The following CCS variants were observed in gnomAD, a reference collection of about 807,000 sequenced individuals.
The protein encoded by CCS is copper chaperone for superoxide dismutase, also known as superoxide dismutase copper chaperone.
Under a neutral mutation model 35.5 loss-of-function variants are expected in CCS, and 32 were observed. The ratio of observed to expected loss-of-function variants is 0.90; its 90% CI spans 0.68 to 1.21. The LOEUF (loss-of-function observed/expected upper bound fraction) is 1.21. CCS is among the 50% of genes most tolerant of loss of function. The pLI is 0.00. For missense variants in CCS, 342 were observed against 375.4 expected, an observed-to-expected ratio of 0.91 and a Z score of 0.73; for synonymous variants, 130 against 147.2, an observed-to-expected ratio of 0.88 and a Z score of 0.84.
At chr11:66,603,954 G>C (rs993485015) in intron 5 of CCS, among the ~76,000 whole-genome samples, 3 of 152,018 alleles carry the variant, frequency 2.0e-5, no homozygotes, top group Non-Finnish European at 4.4e-5. Context: ...TTGAACCTGG[G>C]GGGTGGGGAG....
In CCS at chr11:66,605,752, A is replaced by G. The variant is rs1047957280; in HGVS notation, c.722A>G (p.Lys241Arg). 1.2e-6 allele frequency: 2 copies of G among 1,606,472 alleles called. No homozygotes were observed. The highest frequency in any genetic ancestry group is 2.2e-5 in the East Asian group (1 of 44,806). Residue 241 changes from lysine to arginine, a missense_variant, in exon 8 of 8, where the codon AAG (lysine) becomes AGG (arginine). Physicochemically the swap from Lys to Arg is conservative, Grantham distance 26 (BLOSUM62 2). Coordinates refer to ENST00000533244, the MANE Select transcript of CCS (RefSeq NM_005125.2). ...ARSAGLFQNPKQICSCDGLTI... is the reference protein window; with the variant it reads ...ARSAGLFQNPRQICSCDGLTI... ...TCCGCTGGCCTTTTCCAGAACCCCAAGCAGATCTGCTCTTGCGATGGCCTC... is the reference window on the plus strand; with the variant it reads ...TCCGCTGGCCTTTTCCAGAACCCCAGGCAGATCTGCTCTTGCGATGGCCTC...
At chr11:66,603,914 C>T (rs1052878434) in intron 5 of CCS, among the ~76,000 whole-genome samples, 1 of 151,208 alleles carries the variant, frequency 6.6e-6, no homozygotes, top group Non-Finnish European at 1.5e-5. Context: ...GTAGTCACAG[C>T]TACTCGGGAA....
At position 66,599,622 on chromosome 11, in the gene CCS, A is replaced by T. The variant is rs200506331; in HGVS notation, c.414A>T (p.Thr138=). 1 of 1,611,036 alleles carries T rather than the reference A, an allele frequency of 6.2e-7. No homozygotes were observed. Among genetic ancestry groups the T allele is most frequent in the Non-Finnish European group, 8.5e-7 (1 of 1,179,056 alleles). ...GLHVHQYGDL[T]NNCNSCGNHF... is the part of the protein sequence containing the mutation. ...ACGTCCATCAGTACGGGGACCTTAC[A>T]AACAACTGCAACAGGTGAGTTGTCT... is the stretch of plus-strand genomic sequence containing the variant. Residue 138 remains threonine (T), a synonymous_variant, in exon 4 of 8, where the codon ACA becomes ACT. Coordinates refer to ENST00000533244, the MANE Select transcript of CCS (RefSeq NM_005125.2).
chr11:66,605,648 C>T (rs1858644878), intron 7 of CCS, 54 bp from the exon 8 acceptor site: 3 of 1,584,408 alleles, frequency 1.9e-6, no homozygotes, highest in South Asian at 2.3e-5. Flanking sequence ...GCATGAGGAA[C>T]CCAGGGGTGG....
At chr11:66,604,166 A>T (rs1429914819) in intron 5 of CCS, among the ~76,000 whole-genome samples, 6 of 151,390 alleles carry the variant, frequency 4.0e-5, no homozygotes, top group African/African-American at 1.5e-4. Flanking sequence ...GGAAGCAGAG[A>T]CTGCAGTGAG....
At chr11:66,595,584 G>A (rs1238053783) in intron 2 of CCS, among the ~76,000 whole-genome samples, 1 of 152,080 alleles carries the variant, frequency 6.6e-6, no homozygotes, top group Non-Finnish European at 1.5e-5. Flanking sequence ...AGGCCTGGGG[G>A]AAGGCCTTCT....
intron 2 of CCS, among the ~76,000 whole-genome samples, chr11:66,597,415 G>A (rs1858495788): frequency 6.6e-6 from 1 of 151,210 alleles, no homozygotes; most frequent in South Asian, 2.1e-4. Flanking sequence ...CCGAGATTGT[G>A]CCACTGCACT....
intron 5 of CCS, among the ~76,000 whole-genome samples, chr11:66,603,248 C>T (rs1234269567): frequency 1.3e-5 from 2 of 152,230 alleles, no homozygotes; most frequent in Non-Finnish European, 2.9e-5. Flanking sequence ...GTCATGCCTC[C>T]AGCCACACTG....
At chr11:66,595,005 G>A (rs968458186) in intron 2 of CCS, among the ~76,000 whole-genome samples, 1 of 152,102 alleles carries the variant, frequency 6.6e-6, no homozygotes, top group African/African-American at 2.4e-5. Flanking sequence ...CCCTGGTAGT[G>A]GTGGACTCTG....
At chr11:66,603,164 C>A (rs1274695015) in intron 5 of CCS, among the ~76,000 whole-genome samples, 1 of 152,188 alleles carries the variant, frequency 6.6e-6, no homozygotes, top group Non-Finnish European at 1.5e-5. Context: ...TACCCCACTC[C>A]CCCTGCCTAT....
At chr11:66,593,368 CT>C in intron 1 of CCS, 68 bp downstream of exon 1, 1 of 1,430,194 alleles carries the variant, frequency 7.0e-7, no homozygotes, top group Non-Finnish European at 9.3e-7. Context: ...TGATCGTTAC[CT>C]TGGGAAGAGG....
At chr11:66,595,158 T>C (rs1408102805) in intron 2 of CCS, among the ~76,000 whole-genome samples, 1 of 152,144 alleles carries the variant, frequency 6.6e-6, no homozygotes, top group African/African-American at 2.4e-5. Flanking sequence ...ATCTGGAGGA[T>C]TGTCCTGAAG....
intron 2 of CCS, among the ~76,000 whole-genome samples, chr11:66,594,790 A>C (rs947980365): frequency 3.9e-5 from 6 of 151,972 alleles, no homozygotes; most frequent in South Asian, 4.1e-4. Context: ...AAAAAAAAAA[A>C]AAAACAAGTT....
chr11:66,603,009 C>T (rs1337988407), intron 5 of CCS, among the ~76,000 whole-genome samples: 1 of 152,256 alleles, frequency 6.6e-6, no homozygotes, highest in East Asian at 1.9e-4. Flanking sequence ...CCTCACCCTG[C>T]TCCAGTCTTT....
rs147645109 is a variant in CCS, at chr11:66,604,627, A to G, written c.490-712A>G. On this transcript the variant is annotated intron_variant, in intron 5 of 7. Transcript: ENST00000533244. Reference sequence around the variant, plus strand: ...TGTCATCACCCCTAGTCTGTTCTGTATCTGGGCCCCCACCATGTTCTGAGT... The same window carrying G: ...TGTCATCACCCCTAGTCTGTTCTGTGTCTGGGCCCCCACCATGTTCTGAGT... Among the ~76,000 whole-genome samples the G allele has an allele frequency of 4.9e-3, 753 of 152,298 alleles. 8 individuals carry two copies. The highest frequency in any genetic ancestry group is 0.017 in the African/African-American group (716 of 41,572).
chr11:66,605,863 C>A lies in CCS; in HGVS notation c.*8C>A. On this transcript the variant is annotated 3_prime_UTR_variant, in exon 8 of 8. Coordinates refer to ENST00000533244, the MANE Select transcript of CCS (RefSeq NM_005125.2). ...CCCCCTGCCCACCTTTGAGCAGGAC[C>A]TCACCTTGGCTCTGTTGCTGTCCTC... The A allele has an allele frequency of 2.0e-6, 3 of 1,515,206 alleles. No individual in the cohort carries two copies. Among genetic ancestry groups the A allele is most frequent in the Non-Finnish European group, 8.8e-7 (1 of 1,132,742 alleles). 93.9% of individuals were successfully genotyped at this position (1,515,206 alleles called of 1,614,324 possible). A position where few individuals can be genotyped will look rare whatever the true frequency, so the allele number is the denominator to read the frequency against.
In CCS at chr11:66,601,599, C is replaced by T. The variant is rs116074555; in HGVS notation, c.489+1050C>T. On this transcript the variant is annotated intron_variant, in intron 5 of 7. Coordinates refer to ENST00000533244, the MANE Select transcript of CCS (RefSeq NM_005125.2). ...CCCTCTCCTTTCCGAGATAGGATCT[C>T]ACTCTGTTGCCCATGCTGGAGTGCA... Among the ~76,000 whole-genome samples the T allele has an allele frequency of 8.8e-3, 1,325 of 150,980 alleles. 22 individuals carry two copies. Among genetic ancestry groups the T allele is most frequent in the African/African-American group, 0.03 (1,232 of 41,070 alleles).
chr11:66,601,263 T>C (rs984109993), intron 5 of CCS, among the ~76,000 whole-genome samples: 7 of 152,098 alleles, frequency 4.6e-5, no homozygotes, highest in Non-Finnish European at 5.9e-5. Flanking sequence ...CGGGTAATTT[T>C]TGTATTTTTA....
At chr11:66,598,643 A>T (rs189617203) in intron 2 of CCS, among the ~76,000 whole-genome samples, 35 of 151,908 alleles carry the variant, frequency 2.3e-4, no homozygotes, top group Admixed American at 2.0e-3. Context: ...TTCTTGTAGC[A>T]TAATGTTTCA....
Sources: gnomAD v4.1 joint callset for allele counts (sites outside exome capture counted in the v4.1 genomes callset) on GRCh38, gnomAD v4.1.1 for gene constraint, MANE v1.5 for transcripts, NCBI Gene and HGNC (gene_info 2026-07-23, HGNC 2026-07-21) for gene names.